Variants in SNTG1 observed in about 807,000 individuals in gnomAD.
SNTG1 encodes gamma-1-syntrophin.
A neutral mutation model predicts 74.7 loss-of-function variants in SNTG1; 39 were observed. The observed-to-expected ratio is 0.52, with a 90% confidence interval of 0.40 to 0.68. The LOEUF (loss-of-function observed/expected upper bound fraction) is 0.68. Among genes scored for constraint, SNTG1 ranks in the 30% least tolerant of loss-of-function variants. SNTG1 has a pLI of 0.00. For missense variants in SNTG1, 685 were observed against 609.5 expected (o/e 1.12, Z -1.30); for synonymous variants, 254 against 217.1 (o/e 1.17, Z -1.49).
chr8:50,478,116 C>T (rs2093711179), intron 8 of SNTG1, among the ~76,000 whole-genome samples: 2 of 152,122 alleles, frequency 1.3e-5, no homozygotes, highest in Non-Finnish European at 1.5e-5. Flanking sequence ...ATCCTCTCTA[C>T]TTTCATATTC....
At chr8:50,079,518 G>C (rs1385148387) in intron 1 of SNTG1, among the ~76,000 whole-genome samples, 1 of 151,858 alleles carries the variant, frequency 6.6e-6, no homozygotes, top group African/African-American at 2.4e-5. Flanking sequence ...TAGGTTGCCT[G>C]TTCACTCTGA....
intron 8 of SNTG1, among the ~76,000 whole-genome samples, chr8:50,477,042 A>G (rs1042855461): frequency 6.6e-6 from 1 of 152,216 alleles, no homozygotes; most frequent in Non-Finnish European, 1.5e-5. Flanking sequence ...ATACATATCT[A>G]TGAGTCCTCG....
intron 2 of SNTG1, among the ~76,000 whole-genome samples, chr8:50,280,990 A>G (rs1466109991): frequency 1.3e-5 from 2 of 148,544 alleles, no homozygotes; most frequent in Non-Finnish European, 3.0e-5. Context: ...AGTCTCAAAA[A>G]AAAAAAAAAA....
At chr8:50,548,881 A>G (rs1404190084) in intron 11 of SNTG1, among the ~76,000 whole-genome samples, 4 of 152,196 alleles carry the variant, frequency 2.6e-5, no homozygotes, top group Non-Finnish European at 4.4e-5. Context: ...AGTCCAGTCG[A>G]TAGTCTTCAA....
chr8:50,240,907 G>A (rs2086135998), intron 2 of SNTG1, among the ~76,000 whole-genome samples: 1 of 152,158 alleles, frequency 6.6e-6, no homozygotes. Context: ...TCAAGGTGAT[G>A]ATTTATATTT....
chr8:50,115,782 T>C (rs10100515), intron 1 of SNTG1, among the ~76,000 whole-genome samples: 3,561 of 152,176 alleles, frequency 0.023, 147 homozygotes, highest in African/African-American at 0.079. Flanking sequence ...ATCATTTTTT[T>C]GCAAGGTATG....
intron 17 of SNTG1, among the ~76,000 whole-genome samples, chr8:50,711,059 AAGG>A (rs1471860433): frequency 6.6e-6 from 1 of 152,186 alleles, no homozygotes; most frequent in Non-Finnish European, 1.5e-5. Flanking sequence ...TGTCAGACAT[AAGG>A]AGGAGGACAA....
At position 50,777,060 on chromosome 8, in the gene SNTG1, T is replaced by C. The variant is rs992071375; in HGVS notation, c.1396-15611T>C. Among the ~76,000 whole-genome samples the C allele has an allele frequency of 5.9e-5, 9 of 151,858 alleles. No homozygotes were observed. In the East Asian group the frequency reaches 1.7e-3, roughly 29 times the overall value. On this transcript the variant is annotated intron_variant, in intron 18 of 18. Coordinates refer to ENST00000642720, the MANE Select transcript of SNTG1 (RefSeq NM_018967.5). ...TGACTATGATGTGTCTTGGCAAGGA[T>C]TTCTTTGAGTTTATCCTCTTTGTAT...
chr8:49,956,554 C>T (rs1810189927), intron 1 of SNTG1, among the ~76,000 whole-genome samples: 1 of 152,130 alleles, frequency 6.6e-6, no homozygotes, highest in Admixed American at 6.5e-5. Flanking sequence ...GTCTCCAGAT[C>T]CACATTTAAA....
At chr8:50,527,293 T>G (rs984883525) in intron 9 of SNTG1, among the ~76,000 whole-genome samples, 5 of 152,162 alleles carry the variant, frequency 3.3e-5, no homozygotes, top group Non-Finnish European at 7.4e-5. Flanking sequence ...TCTTTGTATA[T>G]CTACATTTTT....
chr8:50,308,508 T>G (rs1367741703), intron 2 of SNTG1, among the ~76,000 whole-genome samples: 1 of 152,156 alleles, frequency 6.6e-6, no homozygotes, highest in Non-Finnish European at 1.5e-5. Flanking sequence ...ATATTTTATG[T>G]ATAAACCACT....
intron 17 of SNTG1, among the ~76,000 whole-genome samples, chr8:50,734,689 T>C (rs900035245): frequency 6.8e-6 from 1 of 147,570 alleles, no homozygotes; most frequent in African/African-American, 2.5e-5. Context: ...TATGTATATA[T>C]GGACATATAT....
At chr8:50,397,574 C>G (rs1170330238) in intron 3 of SNTG1, among the ~76,000 whole-genome samples, 1 of 152,176 alleles carries the variant, frequency 6.6e-6, no homozygotes, top group Non-Finnish European at 1.5e-5. Context: ...AGAGTAGTCT[C>G]TTACTCGTTT....
intron 18 of SNTG1, among the ~76,000 whole-genome samples, chr8:50,765,662 G>C (rs2095611808): frequency 1.3e-5 from 2 of 151,814 alleles, no homozygotes. Flanking sequence ...AAAATTATTT[G>C]ACTTATTTTG....
intron 15 of SNTG1, among the ~76,000 whole-genome samples, chr8:50,703,460 C>T (rs538478698): frequency 1.2e-4 from 18 of 152,106 alleles, no homozygotes; most frequent in African/African-American, 4.1e-4. Flanking sequence ...GAGCTGTCAT[C>T]TCTTATGATA....
At chr8:50,727,627 C>A (rs1319057788) in intron 17 of SNTG1, among the ~76,000 whole-genome samples, 1 of 152,178 alleles carries the variant, frequency 6.6e-6, no homozygotes, top group Non-Finnish European at 1.5e-5. Flanking sequence ...ATAGCCCCTG[C>A]TGCTATGGCT....
At chr8:50,132,662 A>G (rs973123250) in intron 1 of SNTG1, among the ~76,000 whole-genome samples, 1 of 152,162 alleles carries the variant, frequency 6.6e-6, no homozygotes, top group African/African-American at 2.4e-5. Context: ...CTCTTGGCCC[A>G]AGTAGGTCCC....
Position 50,606,964 on chromosome 8 carries a change from G to A in SNTG1, c.849+16047G>A, listed in dbSNP as rs182532153. On this transcript the variant is annotated intron_variant, in intron 13 of 18. Transcript: ENST00000642720. ...GTTTTTATCCTTTTTATTTATTGTT[G>A]GACTCAATTTTCTAAAATAAGAAAA... is the stretch of plus-strand genomic sequence containing the variant. Among the ~76,000 whole-genome samples the A allele has an allele frequency of 3.9e-3, 585 of 151,222 alleles. 6 individuals are homozygous for A. Among genetic ancestry groups the A allele is most frequent in the Middle Eastern group, 0.01 (3 of 292 alleles).
intron 11 of SNTG1, among the ~76,000 whole-genome samples, chr8:50,542,935 A>T (rs2625750): frequency 6.6e-6 from 1 of 151,942 alleles, no homozygotes; most frequent in Non-Finnish European, 1.5e-5. Context: ...TTTAAGTCAG[A>T]TTTTTTATTG....
Sources: allele counts gnomAD v4.1 joint callset (sites outside exome capture counted in the v4.1 genomes callset), GRCh38; gene constraint gnomAD v4.1.1; transcripts MANE v1.5; gene names NCBI Gene and HGNC (gene_info 2026-07-23, HGNC 2026-07-21).